Variants in PRKG1 observed in about 807,000 individuals in gnomAD.
PRKG1 encodes cGMP-dependent protein kinase 1.
Under a neutral mutation model 88.1 loss-of-function variants are expected in PRKG1, and 35 were observed. The observed-to-expected ratio is 0.40, with a 90% CI of 0.30 to 0.53. The LOEUF (loss-of-function observed/expected upper bound fraction) is 0.53. Ranked by LOEUF, PRKG1 falls within the 20% of genes least tolerant of loss-of-function variation. The probability of loss-of-function intolerance (pLI) is 0.59; values close to 1 mark genes in which losing one functional copy is unlikely to be tolerated. For synonymous variants in PRKG1, 303 were observed against 292.5 expected (o/e 1.04, Z -0.37); for missense variants, 540 against 839.8 (o/e 0.64, Z 4.41).
intron 1 of PRKG1, among the ~76,000 whole-genome samples, chr10:51,064,036 C>A (rs1394699736): frequency 1.3e-5 from 2 of 151,938 alleles, no homozygotes; most frequent in Non-Finnish European, 2.9e-5. Flanking sequence ...TTTGCTTTAC[C>A]TTGTACTTTT....
chr10:51,602,732 ATGTGTGTGTGTGTGTG>A lies in PRKG1; in HGVS notation c.592+134930_592+134945del, dbSNP rs4041278. ...GCCTGGCTGGCTTTGATTAATATAT[ATGTGTGTGTGTGTGTG>A]TGTGTGTGTGTGTGTGTGTGTGTGT... On this transcript the variant is annotated intron_variant, in intron 3 of 17. Coordinates refer to ENST00000373980, the MANE Select transcript of PRKG1 (RefSeq NM_006258.4). Among the ~76,000 whole-genome samples the A allele has an allele frequency of 7.6e-3, 977 of 128,910 alleles. 16 individuals are homozygous for A. Among genetic ancestry groups the A allele is most frequent in the Non-Finnish European group, 0.012 (753 of 64,538 alleles). The allele number at this position is 128,910 out of a possible 152,430, so 84.6% of individuals were successfully genotyped here.
intron 8 of PRKG1, among the ~76,000 whole-genome samples, chr10:52,158,180 ATAATT>A (rs562012379): frequency 6.6e-6 from 1 of 151,826 alleles, no homozygotes; most frequent in East Asian, 1.9e-4. Context: ...GTTTAAAAAG[ATAATT>A]TAATGATTTT....
intron 1 of PRKG1, among the ~76,000 whole-genome samples, chr10:51,067,041 C>T (rs140273696): frequency 6.6e-6 from 1 of 152,040 alleles, no homozygotes; most frequent in Non-Finnish European, 1.5e-5. Flanking sequence ...CTTTATACAA[C>T]TACTTTTTTT....
At chr10:51,107,810 C>CAAAAAAAA (rs150587434) in intron 1 of PRKG1, among the ~76,000 whole-genome samples, 4 of 63,288 alleles carry the variant, frequency 6.3e-5, no homozygotes, top group African/African-American at 1.2e-4. Flanking sequence ...AACCCTGTCT[C>CAAAAAAAA]AAAAAAAAAA....
At chr10:51,915,737 A>G (rs543942601) in intron 5 of PRKG1, among the ~76,000 whole-genome samples, 6 of 152,196 alleles carry the variant, frequency 3.9e-5, no homozygotes, top group Non-Finnish European at 7.3e-5. Flanking sequence ...TAATTTTTAC[A>G]AGACACTTAC....
chr10:51,351,790 T>C (rs1842253581), intron 2 of PRKG1, among the ~76,000 whole-genome samples: 1 of 152,212 alleles, frequency 6.6e-6, no homozygotes, highest in Non-Finnish European at 1.5e-5. Context: ...CCATTGCTTT[T>C]GGTATTTTAG....
chr10:51,763,886 G>T (rs1838089285), intron 3 of PRKG1, among the ~76,000 whole-genome samples: 1 of 152,124 alleles, frequency 6.6e-6, no homozygotes. Context: ...GAGGAGACTA[G>T]CTTAGATCTC....
At chr10:51,545,414 G>GCCT (rs768580268) in intron 3 of PRKG1, among the ~76,000 whole-genome samples, 8 of 152,136 alleles carry the variant, frequency 5.3e-5, no homozygotes, top group Non-Finnish European at 4.4e-5. Flanking sequence ...CTGTGTGAGT[G>GCCT]CTCTTCACTG....
intron 5 of PRKG1, among the ~76,000 whole-genome samples, chr10:51,977,280 T>C (rs927296209): frequency 6.6e-6 from 1 of 152,112 alleles, no homozygotes; most frequent in Non-Finnish European, 1.5e-5. Flanking sequence ...TCCATCCATG[T>C]TCCTGAAAAA....
intron 1 of PRKG1, among the ~76,000 whole-genome samples, chr10:51,060,744 A>G (rs1234795688): frequency 6.6e-6 from 1 of 152,146 alleles, no homozygotes; most frequent in Non-Finnish European, 1.5e-5. Flanking sequence ...ATTTTCTTTT[A>G]AAAGATCTGA....
At chr10:51,046,966 C>T (rs374623446) in intron 1 of PRKG1, among the ~76,000 whole-genome samples, 4 of 152,096 alleles carry the variant, frequency 2.6e-5, no homozygotes, top group Non-Finnish European at 5.9e-5. Flanking sequence ...AGAACACAAC[C>T]GGAAATATCC....
At chr10:51,897,141 T>G (rs1367422370) in intron 4 of PRKG1, among the ~76,000 whole-genome samples, 1 of 152,226 alleles carries the variant, frequency 6.6e-6, no homozygotes, top group African/African-American at 2.4e-5. Flanking sequence ...AAAAGTATAC[T>G]TGATGCAGAA....
chr10:51,561,305 G>A (rs535959638), intron 3 of PRKG1, among the ~76,000 whole-genome samples: 1 of 151,976 alleles, frequency 6.6e-6, no homozygotes, highest in South Asian at 2.1e-4. Context: ...ACTCCAGCCT[G>A]GGTGACAAGA....
intron 9 of PRKG1, among the ~76,000 whole-genome samples, chr10:52,222,943 T>C (rs953353773): frequency 1.3e-5 from 2 of 152,140 alleles, no homozygotes; most frequent in African/African-American, 4.8e-5. Flanking sequence ...TTTTGGAACA[T>C]TTGACTTTTA....
chr10:51,643,038 C>T (rs544301103), intron 3 of PRKG1, among the ~76,000 whole-genome samples: 11 of 152,102 alleles, frequency 7.2e-5, no homozygotes, highest in African/African-American at 2.7e-4. Flanking sequence ...AAGAAAGCCC[C>T]GGGATTTCAG....
Position 51,295,992 on chromosome 10 carries a change from G to A in PRKG1, c.478+142662G>A, listed in dbSNP as rs374995840. On this transcript the variant is annotated intron_variant, in intron 2 of 17. Transcript: ENST00000373980. The stretch of plus-strand genomic sequence containing the variant: ...GTATCACGTTGATTGATTTCCTTAT[G>A]TTGAGCCATCTTTACACCCCAGGGA... 2.6e-5 allele frequency among the ~76,000 whole-genome samples: 4 copies of A among 152,170 alleles called. No individual in the cohort carries two copies. In the East Asian group the frequency reaches 7.7e-4, roughly 29 times the overall value.
intron 1 of PRKG1, among the ~76,000 whole-genome samples, chr10:51,016,673 C>CTTTTTTTTTTTTTT: frequency 0.024 from 851 of 35,094 alleles, 161 homozygotes; most frequent in Non-Finnish European, 0.032. Flanking sequence ...ATTATCCTTT[C>CTTTTTTTTTTTTTT]TTTTTTTTTT....
intron 1 of PRKG1, among the ~76,000 whole-genome samples, chr10:51,077,503 G>T (rs1034423260): frequency 2.0e-5 from 3 of 152,038 alleles, no homozygotes; most frequent in Non-Finnish European, 2.9e-5. Flanking sequence ...ACTTACTAAG[G>T]TTGCCTTCTG....
chr10:52,112,956 G>A (rs1035700997), intron 7 of PRKG1, among the ~76,000 whole-genome samples: 3 of 152,106 alleles, frequency 2.0e-5, no homozygotes, highest in South Asian at 4.1e-4. Context: ...GTGGTACCTC[G>A]AGTAAGATTA....
Sources: allele counts gnomAD v4.1 joint callset (sites outside exome capture counted in the v4.1 genomes callset), GRCh38; gene constraint gnomAD v4.1.1; transcripts MANE v1.5; gene names NCBI Gene and HGNC (gene_info 2026-07-23, HGNC 2026-07-21).